TRIM29: variants seen among roughly 807,000 people sequenced by gnomAD.
TRIM29 encodes tripartite motif-containing protein 29.
A neutral mutation model predicts 57.3 loss-of-function variants in TRIM29; 52 were observed. The ratio of observed to expected loss-of-function variants is 0.91; its 90% CI spans 0.73 to 1.14. The LOEUF (loss-of-function observed/expected upper bound fraction) is 1.14, where lower values mean the gene tolerates loss of function less well. Among genes scored for constraint, TRIM29 ranks in the 50% most tolerant of loss-of-function variants. The probability of loss-of-function intolerance (pLI) is 0.00; values close to 1 mark genes in which losing one functional copy is unlikely to be tolerated. For synonymous variants in TRIM29, 319 were observed against 316.9 expected (o/e 1.01, Z -0.07); for missense variants, 753 against 774.6 (o/e 0.97, Z 0.33).
At chr11:120,130,080 A>G (rs1294087430) in intron 1 of TRIM29, among the ~76,000 whole-genome samples, 1 of 151,954 alleles carries the variant, frequency 6.6e-6, no homozygotes, top group African/African-American at 2.4e-5. Flanking sequence ...AATGGCAGAA[A>G]CTCGACCCTC....
intron 5 of TRIM29, chr11:120,121,798 G>A: frequency 5.9e-6 from 2 of 337,972 alleles, no homozygotes; most frequent in South Asian, 4.4e-5. Context: ...ACCCGCAGGA[G>A]CCTGTCAGGG....
At chr11:120,121,855 CAG>C (rs1863456654) in intron 5 of TRIM29, 1 of 386,988 alleles carries the variant, frequency 2.6e-6, no homozygotes, top group Non-Finnish European at 5.3e-6. Context: ...AAGGGAGAGA[CAG>C]GAGGGACAGG....
intron 7 of TRIM29, 99 bp from the exon 8 acceptor site, chr11:120,115,513 A>C: frequency 2.0e-6 from 2 of 1,007,734 alleles, no homozygotes; most frequent in Non-Finnish European, 3.0e-6. Context: ...GTGACCACCA[A>C]GCATCATCCA....
In TRIM29 at chr11:120,137,479, T is replaced by C. The variant is rs933352338; in HGVS notation, c.553A>G (p.Lys185Glu). 4 of 1,603,106 alleles carry C rather than the reference T, an allele frequency of 2.5e-6. No individual in the cohort carries two copies. The highest frequency in any genetic ancestry group is 3.3e-5 in the Admixed American group (2 of 59,994). Residue 185 changes from lysine to glutamate, a missense_variant, in exon 1 of 9, where the codon AAG becomes GAG. Coordinates refer to ENST00000341846, the MANE Select transcript of TRIM29 (RefSeq NM_012101.4). The surrounding 1 kb of genome is among the most constrained non-coding windows in gnomAD (Gnocchi z 6.2). ...GAGGCCTGGCACACCAGGCAGGACTTGACCGCCTTCTGCTTGTTGCCGATG... is the reference window on the plus strand; with the variant it reads ...GAGGCCTGGCACACCAGGCAGGACTCGACCGCCTTCTGCTTGTTGCCGATG... ...SCIGNKQKAV[K>E]SCLVCQASFC...
At chr11:120,132,825 C>T (rs666432) in intron 1 of TRIM29, among the ~76,000 whole-genome samples, 21,928 of 152,172 alleles carry the variant, frequency 0.14, 1,896 homozygotes, top group East Asian at 0.44. Flanking sequence ...TCCACTCGGA[C>T]GTAAAACAGC....
intron 4 of TRIM29, chr11:120,124,244 C>G (rs1457863457): frequency 1.3e-5 from 2 of 152,552 alleles, no homozygotes; most frequent in Non-Finnish European, 2.9e-5. Flanking sequence ...AGTGAGCGGC[C>G]AGGAGCCTGA....
chr11:120,125,852 G>A lies in TRIM29; in HGVS notation c.1172C>T (p.Pro391Leu), dbSNP rs200991578. ...CAGGACATGATAGGTGGGCAGGGGT[G>A]GGGGGAGAGAGTAATTGCTCATCAA... ...GALMSNYSLP[P>L]PLPTYHVLLE... Residue 391 changes from proline to leucine, a missense_variant, in exon 4 of 9, where the codon CCA becomes CTA. Transcript: ENST00000341846. 41 of 1,614,032 alleles carry A rather than the reference G, an allele frequency of 2.5e-5. No individual in the cohort carries two copies. The highest frequency in any genetic ancestry group is 1.6e-4 in the Middle Eastern group (1 of 6,062).
Position 120,127,493 on chromosome 11 carries a change from T to A in TRIM29, c.977A>T (p.Glu326Val). 1 of 1,614,184 alleles carries A rather than the reference T, an allele frequency of 6.2e-7. No homozygotes were observed. Among genetic ancestry groups the A allele is most frequent in the South Asian group, 1.1e-5 (1 of 91,072 alleles). ...DLVRDLEKQK[E>V]EVRAALEQRE... The stretch of plus-strand genomic sequence containing the variant: ...CTGCTCCAGCGCAGCCCTCACTTCC[T>A]CCTTTTGCTTCTCCAGGTCCCGCAC... The change falls in exon 3 of 9, where the codon GAG (glutamate) becomes GTG (valine). Residue 326 changes from glutamate (E) to valine (V), a missense_variant. Physicochemically the swap from Glu to Val is moderately radical, Grantham distance 121. Transcript: ENST00000341846.
intron 1 of TRIM29, chr11:120,128,880 C>G: frequency 1.4e-6 from 2 of 1,460,494 alleles, no homozygotes; most frequent in South Asian, 1.4e-5. Context: ...GGGATCCAGC[C>G]CAGCTCAGCC....
Position 120,117,952 on chromosome 11 carries a change from G to A in TRIM29, c.1627+271C>T, listed in dbSNP as rs577717831. 91 of 487,432 alleles carry A rather than the reference G, an allele frequency of 1.9e-4. 1 individual carries two copies. Among genetic ancestry groups the A allele is most frequent in the African/African-American group, 3.2e-4 (16 of 50,672 alleles). 30.2% of individuals were successfully genotyped at this position (487,432 alleles called of 1,614,324 possible). On this transcript the variant is annotated intron_variant, in intron 7 of 8. Coordinates refer to ENST00000341846, the MANE Select transcript of TRIM29 (RefSeq NM_012101.4). ...GTGCAGGGGGTATGGCATGTCCCCC[G>A]GTCCTGACCACTGAGAGCTGTTGTT...
chr11:120,128,575 CAG>C, intron 1 of TRIM29, 80 bp from the exon 2 acceptor site: 1 of 1,522,070 alleles, frequency 6.6e-7, no homozygotes, highest in Admixed American at 1.9e-5. Flanking sequence ...CGGCTCCACT[CAG>C]GGGGCACACT....
intron 2 of TRIM29, 147 bp downstream of exon 2, chr11:120,128,253 G>T: frequency 1.5e-6 from 1 of 653,530 alleles, no homozygotes; most frequent in Non-Finnish European, 2.6e-6. Flanking sequence ...GAGTTGGTGA[G>T]AATGTCAGAG....
In TRIM29 at chr11:120,127,555, A is replaced by G. The variant is rs773260806; in HGVS notation, c.915T>C (p.Asn305=). The change falls in exon 3 of 9, where the codon AAT becomes AAC. Residue 305 remains asparagine (N), a synonymous_variant. Transcript: ENST00000341846. The stretch of plus-strand genomic sequence containing the variant: ...AGTTCTGCTCCAGGATGGCCTTCTC[A>G]TTGGTGGTGAAGCTCTGGAGGTCCA... ...EKDRIKSFTT[N]EKAILEQNFR... is the part of the protein sequence containing the mutation. The G allele has an allele frequency of 5.0e-6, 8 of 1,613,374 alleles. No individual in the cohort carries two copies. In the South Asian group the frequency reaches 6.6e-5, roughly 13 times the overall value.
intron 1 of TRIM29, among the ~76,000 whole-genome samples, chr11:120,135,388 GA>G (rs1361387600): frequency 1.3e-5 from 2 of 152,174 alleles, no homozygotes; most frequent in East Asian, 3.9e-4. Flanking sequence ...CCCCTTGGGA[GA>G]ATGAGACTGA....
chr11:120,119,409 G>A (rs536327017), intron 6 of TRIM29, among the ~76,000 whole-genome samples: 1 of 152,284 alleles, frequency 6.6e-6, no homozygotes, highest in South Asian at 2.1e-4. Context: ...CTGCCCCTGT[G>A]CAAAGCCCTC....
At chr11:120,118,128 G>C (rs1863326311) in intron 7 of TRIM29, 95 bp downstream of exon 7, 3 of 1,140,190 alleles carry the variant, frequency 2.6e-6, no homozygotes, top group Non-Finnish European at 3.9e-6. Context: ...ACGAGGTGAG[G>C]GAGGAACTAG....
chr11:120,120,289 C>T (rs1863400651), intron 6 of TRIM29, among the ~76,000 whole-genome samples: 1 of 150,958 alleles, frequency 6.6e-6, no homozygotes, highest in African/African-American at 2.4e-5. Flanking sequence ...TCCAGGGATG[C>T]CGAGATTCCT....
intron 1 of TRIM29, among the ~76,000 whole-genome samples, chr11:120,131,928 G>T (rs1863731100): frequency 6.7e-6 from 1 of 150,140 alleles, no homozygotes; most frequent in Non-Finnish European, 1.5e-5. Flanking sequence ...TCCTGTGGAG[G>T]TAAGTGGCAT....
intron 6 of TRIM29, 119 bp downstream of exon 6, chr11:120,120,454 T>G: frequency 1.1e-6 from 1 of 895,822 alleles, no homozygotes; most frequent in Non-Finnish European, 1.7e-6. Context: ...CATCCTAGCT[T>G]CCCACATTCA....
Sources: gnomAD v4.1 joint callset for allele counts (sites outside exome capture counted in the v4.1 genomes callset) on GRCh38, gnomAD v4.1.1 for gene constraint, Gnocchi (gnomAD v3.1) non-coding constraint, MANE v1.5 for transcripts, NCBI Gene and HGNC (gene_info 2026-07-23, HGNC 2026-07-21) for gene names.